The following MTHFD1L variants were observed in gnomAD, a reference collection of about 807,000 sequenced individuals.
The protein encoded by MTHFD1L is monofunctional C1-tetrahydrofolate synthase, mitochondrial.
MTHFD1L carries 81 observed loss-of-function variants against 119.5 expected under a neutral mutation model. The ratio of observed to expected loss-of-function variants is 0.68; its 90% CI spans 0.57 to 0.82. The LOEUF (loss-of-function observed/expected upper bound fraction) is 0.82. Ranked by LOEUF, MTHFD1L falls within the 40% of genes least tolerant of loss-of-function variation. MTHFD1L has a pLI of 0.00. For synonymous variants in MTHFD1L, 430 were observed against 475.2 expected, an observed-to-expected ratio of 0.90 and a Z score of 1.24; for missense variants, 1,125 against 1,253.4, an observed-to-expected ratio of 0.90 and a Z score of 1.55.
chr6:151,087,258 T>G (rs1198537224), intron 26 of MTHFD1L, among the ~76,000 whole-genome samples: 1 of 102,812 alleles, frequency 9.7e-6, no homozygotes, highest in Non-Finnish European at 2.0e-5. Context: ...CAAAAATAAA[T>G]AAATAAATAA....
intron 26 of MTHFD1L, chr6:151,057,144 A>G (rs1584353238): frequency 1.0e-6 from 1 of 970,592 alleles, no homozygotes; most frequent in East Asian, 1.1e-4. Context: ...TGCTGGACCC[A>G]GTGCCTGCCT....
intron 26 of MTHFD1L, among the ~76,000 whole-genome samples, chr6:151,054,218 G>T (rs1364909541): frequency 6.6e-6 from 1 of 151,890 alleles, no homozygotes; most frequent in Non-Finnish European, 1.5e-5. Context: ...AAGTATTTCA[G>T]ACAGAAAAAA....
intron 20 of MTHFD1L, among the ~76,000 whole-genome samples, chr6:151,001,533 A>G (rs767156573): frequency 1.3e-5 from 2 of 152,186 alleles, no homozygotes; most frequent in African/African-American, 2.4e-5. Flanking sequence ...GTAAAATTTG[A>G]AAAGAAAACC....
At position 150,928,449 on chromosome 6, in the gene MTHFD1L, A is replaced by G. The variant is rs191338738; in HGVS notation, c.1256+2154A>G. On this transcript the variant is annotated intron_variant, in intron 11 of 27. Coordinates refer to ENST00000367321, the MANE Select transcript of MTHFD1L (RefSeq NM_015440.5). The stretch of plus-strand genomic sequence containing the variant: ...AGACTGTCTCAAAAAAAAAAAAAAA[A>G]AAAAAAAATCACCTCTTTAATGATA... 7.5e-3 allele frequency among the ~76,000 whole-genome samples: 1,140 copies of G among 151,590 alleles called. 4 individuals carry two copies. Among genetic ancestry groups the G allele is most frequent in the Non-Finnish European group, 0.012 (817 of 67,852 alleles).
rs574404147 is a variant in MTHFD1L at position 150,926,990 on chromosome 6, C to G, written c.1256+695C>G. ...TCATGAGACCATATAAATTCCTTTG[C>G]TGCCTTGAAATTTCATTTCAGTGAC... On this transcript the variant is annotated intron_variant, in intron 11 of 27. Transcript: ENST00000367321. This position sits in a 1 kb window ranked among gnomAD's most constrained non-coding sequence, Gnocchi z 4.3. Among the ~76,000 whole-genome samples the G allele has an allele frequency of 6.6e-6, 1 of 152,264 alleles. No individual in the cohort carries two copies. The highest frequency in any genetic ancestry group is 6.5e-5 in the Admixed American group (1 of 15,300).
rs746394783 is a variant in MTHFD1L at position 150,902,797 on chromosome 6, CT to C, written c.781-2852del. Among the ~76,000 whole-genome samples, 17 of 152,156 alleles carry C rather than the reference CT, an allele frequency of 1.1e-4. 1 individual carries two copies. The highest frequency in any genetic ancestry group is 1.8e-4 in the Non-Finnish European group (12 of 68,024). On this transcript the variant is annotated intron_variant, in intron 7 of 27. Transcript: ENST00000367321. The stretch of plus-strand genomic sequence containing the variant: ...TATCAAAGACACCACGTGTAGGAAA[CT>C]AACTGTTCTTAGGGGACTTGTGTGA...
intron 7 of MTHFD1L, among the ~76,000 whole-genome samples, chr6:150,893,804 T>A (rs1313586192): frequency 6.6e-6 from 1 of 152,192 alleles, no homozygotes; most frequent in Non-Finnish European, 1.5e-5. Flanking sequence ...AACATTTGTG[T>A]TCTCATTAAA....
chr6:151,037,718 G>T (rs1308860839), intron 26 of MTHFD1L, among the ~76,000 whole-genome samples: 2 of 152,188 alleles, frequency 1.3e-5, no homozygotes, highest in African/African-American at 4.8e-5. Flanking sequence ...ATAAATAAAA[G>T]CTTATCAAAG....
At chr6:150,945,368 C>T (rs803445) in intron 14 of MTHFD1L, 99 bp from the exon 15 acceptor site, 737,239 of 867,076 alleles carry the variant, frequency 0.85, 315,680 homozygotes, top group East Asian at 0.95. Context: ...CTAAATAGTT[C>T]GGTTATAAAT....
chr6:150,970,152 C>G (rs772081107), intron 19 of MTHFD1L, among the ~76,000 whole-genome samples: 2 of 152,116 alleles, frequency 1.3e-5, no homozygotes, highest in Non-Finnish European at 2.9e-5. Flanking sequence ...TGCCAGGAGA[C>G]CAGTAGTTCT....
intron 7 of MTHFD1L, among the ~76,000 whole-genome samples, chr6:150,892,530 C>G (rs796523094): frequency 6.6e-6 from 1 of 152,092 alleles, no homozygotes; most frequent in African/African-American, 2.4e-5. Flanking sequence ...GGCACCATTG[C>G]GAATGTTAGA....
chr6:151,006,866 G>C (rs1017202999), intron 20 of MTHFD1L, among the ~76,000 whole-genome samples: 1 of 151,948 alleles, frequency 6.6e-6, no homozygotes, highest in Non-Finnish European at 1.5e-5. Flanking sequence ...ATCAGCCCCC[G>C]TTATGTAAAA....
intron 7 of MTHFD1L, among the ~76,000 whole-genome samples, chr6:150,891,722 C>A (rs1475723798): frequency 6.6e-6 from 1 of 151,814 alleles, no homozygotes; most frequent in African/African-American, 2.4e-5. Flanking sequence ...TTAAACTGGG[C>A]AATAGGTGTT....
intron 13 of MTHFD1L, among the ~76,000 whole-genome samples, chr6:150,942,405 A>G (rs1793279901): frequency 6.6e-6 from 1 of 152,252 alleles, no homozygotes. Context: ...TGGAAAGTGT[A>G]TGTTGATAAA....
intron 26 of MTHFD1L, among the ~76,000 whole-genome samples, chr6:151,075,352 A>G (rs1327882638): frequency 6.6e-6 from 1 of 152,212 alleles, no homozygotes; most frequent in Non-Finnish European, 1.5e-5. Context: ...TGGTATATCA[A>G]TATCAAAGTA....
At chr6:150,952,429 G>C (rs541874648) in intron 16 of MTHFD1L, among the ~76,000 whole-genome samples, 9 of 152,344 alleles carry the variant, frequency 5.9e-5, no homozygotes, top group African/African-American at 2.2e-4. Context: ...AGGACAGTCA[G>C]GGTGCACGGT....
chr6:151,060,966 G>A (rs1352596750), intron 26 of MTHFD1L, among the ~76,000 whole-genome samples: 1 of 152,176 alleles, frequency 6.6e-6, no homozygotes, highest in Non-Finnish European at 1.5e-5. Flanking sequence ...CTAACCTGAG[G>A]TGTAGGCAGG....
chr6:151,011,046 C>T (rs1212691172), intron 21 of MTHFD1L, among the ~76,000 whole-genome samples: 2 of 152,094 alleles, frequency 1.3e-5, no homozygotes, highest in Admixed American at 6.6e-5. Context: ...AGCAGAGAGC[C>T]GAGAACTTCA....
Position 151,034,588 on chromosome 6 carries a change from T to C in MTHFD1L, c.2682T>C (p.Arg894=), listed in dbSNP as rs746216903. ...CTGAGGCACAAGCCAAAATAGATCG[T>C]TACACTCAACAGGTAAAAGTTCTAC... ...LSPEAQAKID[R]YTQQGFGNLP... is the part of the protein sequence containing the mutation. Residue 894 remains arginine (R), a synonymous_variant, in exon 25 of 28, where the codon CGT becomes CGC. Transcript: ENST00000367321. 2.3e-5 allele frequency: 37 copies of C among 1,608,150 alleles called. No homozygotes were observed. In the East Asian group the frequency reaches 8.3e-4, roughly 36 times the overall value.
Sources: allele counts gnomAD v4.1 joint callset (sites outside exome capture counted in the v4.1 genomes callset), GRCh38; gene constraint gnomAD v4.1.1; non-coding constraint Gnocchi (gnomAD v3.1); transcripts MANE v1.5; gene names NCBI Gene and HGNC (gene_info 2026-07-23, HGNC 2026-07-21).